ARB2A: variants seen among roughly 807,000 people sequenced by gnomAD.
ARB2A encodes cotranscriptional regulator ARB2A.
At chr5:94,004,558 G>A in the ARB2A span, among the ~76,000 whole-genome samples, 1 of 151,578 alleles carries the variant, frequency 6.6e-6, no homozygotes, top group African/African-American at 2.4e-5. Context: ...CTCCAGCCTG[G>A]GCGACAAAGT....
chr5:93,978,858 G>C, the ARB2A span, among the ~76,000 whole-genome samples: 1 of 152,084 alleles, frequency 6.6e-6, no homozygotes, highest in East Asian at 1.9e-4. Flanking sequence ...TGGAACGGGT[G>C]GGGTGGGGGT....
the ARB2A span, among the ~76,000 whole-genome samples, chr5:94,050,106 A>AT: frequency 4.0e-5 from 6 of 151,816 alleles, no homozygotes; most frequent in South Asian, 2.1e-4. Context: ...TTTCTGGCTA[A>AT]TTTTTTTATT....
the ARB2A span, among the ~76,000 whole-genome samples, chr5:93,657,981 T>A: frequency 6.6e-6 from 1 of 152,194 alleles, no homozygotes; most frequent in African/African-American, 2.4e-5. Flanking sequence ...CTATTTTTGA[T>A]ACTTTTTTTG....
the ARB2A span, among the ~76,000 whole-genome samples, chr5:93,997,920 A>G: frequency 1.3e-5 from 2 of 151,940 alleles, no homozygotes; most frequent in East Asian, 1.9e-4. Context: ...CACAAAACAA[A>G]GTAATCAGAA....
At chr5:94,032,645 G>A in the ARB2A span, among the ~76,000 whole-genome samples, 2 of 152,128 alleles carry the variant, frequency 1.3e-5, no homozygotes, top group Non-Finnish European at 2.9e-5. Flanking sequence ...ACAAGCACGT[G>A]CGCTCCACCC....
chr5:93,890,449 T>C, the ARB2A span, among the ~76,000 whole-genome samples: 3 of 151,894 alleles, frequency 2.0e-5, no homozygotes, highest in African/African-American at 4.8e-5. Context: ...AATTAATGAA[T>C]AGACAATTTT....
chr5:94,057,416 G>A, the ARB2A span, among the ~76,000 whole-genome samples: 1 of 152,268 alleles, frequency 6.6e-6, no homozygotes, highest in East Asian at 1.9e-4. Context: ...TGTTTAATGG[G>A]TATAGGGTTT....
chr5:93,679,166 T>G, the ARB2A span, among the ~76,000 whole-genome samples: 1 of 152,326 alleles, frequency 6.6e-6, no homozygotes, highest in Non-Finnish European at 1.5e-5. Flanking sequence ...CTATATCTTA[T>G]TGATAATTTA....
the ARB2A span, among the ~76,000 whole-genome samples, chr5:93,798,353 CT>C: frequency 6.6e-6 from 1 of 152,100 alleles, no homozygotes; most frequent in Non-Finnish European, 1.5e-5. Flanking sequence ...AATAAACTCA[CT>C]GCTGAATTTT....
At chr5:93,654,147 A>G in the ARB2A span, among the ~76,000 whole-genome samples, 17 of 152,224 alleles carry the variant, frequency 1.1e-4, no homozygotes, top group Non-Finnish European at 2.1e-4. Flanking sequence ...ACAGAAAAAA[A>G]TGAAAACCGG....
the ARB2A span, among the ~76,000 whole-genome samples, chr5:94,064,946 A>G: frequency 6.6e-6 from 1 of 152,350 alleles, no homozygotes; most frequent in African/African-American, 2.4e-5. Flanking sequence ...GAAAGAACTC[A>G]AATGTTACCA....
the ARB2A span, among the ~76,000 whole-genome samples, chr5:93,756,682 C>T: frequency 6.6e-6 from 1 of 152,152 alleles, no homozygotes; most frequent in Non-Finnish European, 1.5e-5. Flanking sequence ...GAGAGTACTA[C>T]ACCAAGGGAA....
the ARB2A span, among the ~76,000 whole-genome samples, chr5:93,903,999 C>T: frequency 5.3e-5 from 8 of 151,688 alleles, no homozygotes; most frequent in Non-Finnish European, 8.8e-5. Flanking sequence ...GTTTCTAAAA[C>T]GAATTATCAG....
the ARB2A span, chr5:93,740,315 C>A: frequency 1.0e-5 from 4 of 388,302 alleles, no homozygotes; most frequent in Non-Finnish European, 1.4e-5. Flanking sequence ...ATATCGAAAC[C>A]ATCTATATAC....
the ARB2A span, among the ~76,000 whole-genome samples, chr5:93,878,793 T>C: frequency 6.6e-6 from 1 of 152,106 alleles, no homozygotes; most frequent in African/African-American, 2.4e-5. Context: ...GGCTTAATTT[T>C]CAAATTTCAG....
At chr5:93,821,530 A>G in the ARB2A span, among the ~76,000 whole-genome samples, 2 of 152,116 alleles carry the variant, frequency 1.3e-5, no homozygotes, top group African/African-American at 2.4e-5. Flanking sequence ...AATTCATACA[A>G]TACAGTTAAT....
the ARB2A span, among the ~76,000 whole-genome samples, chr5:94,095,762 C>T: frequency 1.3e-5 from 2 of 152,068 alleles, no homozygotes; most frequent in Non-Finnish European, 2.9e-5. Flanking sequence ...AGTAGACACC[C>T]AACCAGAAGG....
At chr5:93,620,616 G>T in the ARB2A span, 1 of 181,540 alleles carries the variant, frequency 5.5e-6, no homozygotes, top group East Asian at 1.4e-4. Flanking sequence ...AAGCAGCAGC[G>T]GCTCCGCTAC....
the ARB2A span, among the ~76,000 whole-genome samples, chr5:93,709,632 C>CAAAAAA: frequency 2.4e-4 from 10 of 41,654 alleles, no homozygotes; most frequent in Admixed American, 3.9e-4. Context: ...GACTCTGTCA[C>CAAAAAA]AAAAAAAAAA....
Sources: gnomAD v4.1 joint callset for allele counts (sites outside exome capture counted in the v4.1 genomes callset) on GRCh38, gnomAD v4.1.1 for gene constraint, MANE v1.5 for transcripts, NCBI Gene and HGNC (gene_info 2026-07-23, HGNC 2026-07-21) for gene names.